Variants in ZNF454 observed in about 807,000 individuals in gnomAD.
ZNF454 encodes the protein zinc finger protein 454.
Under a neutral mutation model 48.2 loss-of-function variants are expected in ZNF454, and 30 were observed. The observed-to-expected ratio is 0.62, with a 90% CI of 0.47 to 0.84. The LOEUF is 0.84. ZNF454 is among the 40% of genes least tolerant of loss of function. ZNF454 has a pLI of 0.00. For missense variants in ZNF454, 510 were observed against 623.1 expected (o/e 0.82, Z 1.93); for synonymous variants, 204 against 211.4 (o/e 0.97, Z 0.30).
At position 178,946,490 on chromosome 5, in the gene ZNF454, G is replaced by C. The variant is rs202005374; in HGVS notation, c.160+5G>C. On this transcript the variant is annotated splice_donor_5th_base_variant and intron_variant, in intron 3 of 4. Transcript: ENST00000519564. The surrounding 1 kb of genome is among the most constrained non-coding windows in gnomAD (Gnocchi z 4.5). ...ACAGCAACCTGGTCTCACTGGGTAA[G>C]TGGGACCCCTGCAAGGTTTCTCTTC... is the stretch of plus-strand genomic sequence containing the variant. The C allele has an allele frequency of 1.6e-5, 25 of 1,589,186 alleles. No individual in the cohort carries two copies. The East Asian group carries it at 5.6e-4, about 36-fold the overall frequency.
chr5:178,949,080 C>T (rs1006026942), intron 4 of ZNF454, among the ~76,000 whole-genome samples: 9 of 151,942 alleles, frequency 5.9e-5, no homozygotes, highest in African/African-American at 2.2e-4. Flanking sequence ...GTTGGAGTCT[C>T]ACTCTGTCAC....
chr5:178,989,003 A>T, the ZNF454 span: 3 of 1,614,086 alleles, frequency 1.9e-6, no homozygotes, highest in Non-Finnish European at 1.7e-6. Flanking sequence ...CGCCGGGCAC[A>T]GGCCTGTGTG....
chr5:178,989,219 C>A, the ZNF454 span: 7 of 1,066,930 alleles, frequency 6.6e-6, no homozygotes, highest in Non-Finnish European at 8.5e-6. Flanking sequence ...CCACCCTCAC[C>A]ACCCTCCCCA....
downstream of ZNF454, chr5:178,969,561 C>T (rs1039986492): frequency 1.5e-5 from 7 of 456,844 alleles, no homozygotes; most frequent in East Asian, 4.2e-4. Flanking sequence ...GATGTGCCAC[C>T]TTCAGCAGCT....
intron 2 of ZNF454, 118 bp downstream of exon 2, chr5:178,942,942 T>A (rs1759168661): frequency 8.4e-7 from 1 of 1,189,600 alleles, no homozygotes; most frequent in African/African-American, 1.5e-5. Context: ...CTGACCTCAG[T>A]TGCCTCTCCC....
the ZNF454 span, chr5:178,978,636 C>T: frequency 6.6e-6 from 1 of 152,166 alleles, no homozygotes; most frequent in African/African-American, 2.4e-5. Flanking sequence ...GAGCTCTCAT[C>T]CCAGAGAGGA....
chr5:178,947,053 G>C, intron 4 of ZNF454, 67 bp downstream of exon 4: 1 of 1,358,540 alleles, frequency 7.4e-7, no homozygotes, highest in Non-Finnish European at 1.0e-6. Flanking sequence ...CCGTAGGGAA[G>C]GCAGGGAGGC....
At chr5:178,969,778 C>T (rs975816230), downstream of ZNF454, 48 of 389,724 alleles carry the variant, frequency 1.2e-4, no homozygotes, top group African/African-American at 9.8e-4. Context: ...CCACTCTGCC[C>T]AGTTTGAGAA....
the ZNF454 span, chr5:178,987,319 C>A: frequency 8.0e-6 from 4 of 502,998 alleles, no homozygotes; most frequent in Non-Finnish European, 1.6e-5. Context: ...GGTAGATACT[C>A]GAGAGACTAG....
chr5:178,984,020 T>C, the ZNF454 span, among the ~76,000 whole-genome samples: 1,989 of 152,274 alleles, frequency 0.013, 51 homozygotes, highest in African/African-American at 0.045. Flanking sequence ...TGCTTTGCAG[T>C]CATCTGCCCA....
chr5:178,950,994 G>A (rs903144106), intron 4 of ZNF454, among the ~76,000 whole-genome samples: 75 of 151,764 alleles, frequency 4.9e-4, no homozygotes, highest in African/African-American at 1.6e-3. Context: ...AGAAGAGCTG[G>A]GACTACCGGT....
At chr5:178,974,851 G>A in the ZNF454 span, among the ~76,000 whole-genome samples, 1 of 152,194 alleles carries the variant, frequency 6.6e-6, no homozygotes, top group Admixed American at 6.5e-5. Flanking sequence ...TGAGAGTTAA[G>A]AGAAGGGTTT....
At chr5:178,984,862 G>T in the ZNF454 span, among the ~76,000 whole-genome samples, 1 of 152,096 alleles carries the variant, frequency 6.6e-6, no homozygotes, top group African/African-American at 2.4e-5. Context: ...TCGCACTGAG[G>T]CCACCCTCCA....
downstream of ZNF454, among the ~76,000 whole-genome samples, chr5:178,966,784 T>C (rs1760169741): frequency 6.6e-6 from 1 of 152,020 alleles, no homozygotes; most frequent in Non-Finnish European, 1.5e-5. Flanking sequence ...CCCACACTTA[T>C]TTAAACCATG....
intron 2 of ZNF454, among the ~76,000 whole-genome samples, chr5:178,945,051 G>A (rs1176828375): frequency 7.0e-6 from 1 of 142,166 alleles, no homozygotes; most frequent in Admixed American, 7.4e-5. Flanking sequence ...TGTTGAGGGT[G>A]TGTGTCACAG....
chr5:178,962,764 C>G (rs868638094), intron 4 of ZNF454, among the ~76,000 whole-genome samples: 3 of 151,674 alleles, frequency 2.0e-5, no homozygotes, highest in African/African-American at 7.2e-5. Context: ...ATCCCTGACA[C>G]TATATGTGAA....
chr5:178,964,222 A>C (rs1039156677), intron 4 of ZNF454, among the ~76,000 whole-genome samples: 4 of 151,028 alleles, frequency 2.6e-5, no homozygotes, highest in African/African-American at 7.3e-5. Flanking sequence ...CCGGGTTCAC[A>C]CCATTCTCCT....
chr5:178,975,083 C>T, the ZNF454 span, among the ~76,000 whole-genome samples: 5,408 of 152,182 alleles, frequency 0.036, 106 homozygotes, highest in South Asian at 0.074. Flanking sequence ...CATGGCAGGC[C>T]GATCACCTGA....
chr5:178,989,043 G>A, the ZNF454 span: 5 of 1,614,060 alleles, frequency 3.1e-6, no homozygotes, highest in Non-Finnish European at 4.2e-6. Flanking sequence ...TGCATGCTGT[G>A]GAGGGCGTGG....
Sources: allele counts gnomAD v4.1 joint callset (sites outside exome capture counted in the v4.1 genomes callset), GRCh38; gene constraint gnomAD v4.1.1; non-coding constraint Gnocchi (gnomAD v3.1); transcripts MANE v1.5; gene names NCBI Gene and HGNC (gene_info 2026-07-23, HGNC 2026-07-21).